AKT3: variants seen among roughly 807,000 people sequenced by gnomAD.
The protein encoded by AKT3 is RAC-gamma serine/threonine-protein kinase.
AKT3 carries 15 observed loss-of-function variants against 65.3 expected under a neutral mutation model. The observed-to-expected ratio is 0.23, with a 90% CI of 0.15 to 0.35. The LOEUF (loss-of-function observed/expected upper bound fraction) is 0.35. Among genes scored for constraint, AKT3 ranks in the 10% least tolerant of loss-of-function variants. The pLI is 1.00. For synonymous variants in AKT3, 206 were observed against 183.8 expected (o/e 1.12, Z -0.98); for missense variants, 243 against 576.5 (o/e 0.42, Z 5.92).
chr1:243,776,467 CA>C (rs1690555033), intron 2 of AKT3, among the ~76,000 whole-genome samples: 1 of 151,992 alleles, frequency 6.6e-6, no homozygotes, highest in African/African-American at 2.4e-5. Flanking sequence ...AGAAGAGACC[CA>C]AAAGAGCTTG....
intron 12 of AKT3, among the ~76,000 whole-genome samples, chr1:243,520,877 A>G (rs538586820): frequency 2.8e-4 from 43 of 152,292 alleles, no homozygotes; most frequent in African/African-American, 9.4e-4. Context: ...CTATGAAATC[A>G]CTCTACCATT....
At chr1:243,753,332 AGAAAGTTCCTAC>A (rs1688925927) in intron 2 of AKT3, among the ~76,000 whole-genome samples, 1 of 152,256 alleles carries the variant, frequency 6.6e-6, no homozygotes, top group South Asian at 2.1e-4. Context: ...ATTTGGATGC[AGAAAGTTCCTAC>A]GTAAGCAGAT....
chr1:243,840,904 TAA>T (rs1695200117), intron 2 of AKT3, among the ~76,000 whole-genome samples: 1 of 152,086 alleles, frequency 6.6e-6, no homozygotes, highest in Admixed American at 6.5e-5. Flanking sequence ...TACTGAAGGT[TAA>T]AGTTTAGTAT....
chr1:243,544,680 A>G (rs920325109), intron 12 of AKT3, among the ~76,000 whole-genome samples: 2 of 147,160 alleles, frequency 1.4e-5, no homozygotes, highest in Non-Finnish European at 3.0e-5. Flanking sequence ...AAACATATGT[A>G]ATTAGTAGTG....
At chr1:243,828,144 A>G (rs778846802) in intron 2 of AKT3, among the ~76,000 whole-genome samples, 6 of 152,194 alleles carry the variant, frequency 3.9e-5, no homozygotes, top group Non-Finnish European at 8.8e-5. Flanking sequence ...ACAATGGGTG[A>G]GTTAAATACT....
At chr1:243,750,950 A>C (rs973756650) in intron 2 of AKT3, among the ~76,000 whole-genome samples, 9 of 152,200 alleles carry the variant, frequency 5.9e-5, no homozygotes, top group African/African-American at 2.4e-5. Flanking sequence ...AAAAAAACTG[A>C]CTTTTGTTTT....
intron 2 of AKT3, among the ~76,000 whole-genome samples, chr1:243,776,370 T>C (rs1250808062): frequency 6.6e-6 from 1 of 152,178 alleles, no homozygotes; most frequent in Non-Finnish European, 1.5e-5. Flanking sequence ...AGTGTGATAT[T>C]TGAAATGAGG....
Position 243,572,933 on chromosome 1 carries a change from T to C in AKT3, c.812A>G (p.Asp271Gly). ...CTTTTTTTTTTTTTTTACCTTGAGATCACGGTACACAATCTTTCCGGAATG... is the reference window on the plus strand; with the variant it reads ...CTTTTTTTTTTTTTTTACCTTGAGACCACGGTACACAATCTTTCCGGAATG... ...YLHSGKIVYR[D>G]LKLENLMLDK... The change falls in exon 9 of 14, where the codon GAT becomes GGT. Residue 271 changes from aspartate (D) to glycine (G), a missense_variant. This residue lies in a region of AKT3 where 61 missense variants were observed against 163.3 expected (regional missense o/e 0.37). Transcript: ENST00000673466. 1 of 1,604,888 alleles carries C rather than the reference T, an allele frequency of 6.2e-7. No homozygotes were observed. Among genetic ancestry groups the C allele is most frequent in the Non-Finnish European group, 8.5e-7 (1 of 1,176,474 alleles).
intron 3 of AKT3, among the ~76,000 whole-genome samples, chr1:243,690,381 T>C (rs1334443931): frequency 6.6e-6 from 1 of 152,182 alleles, no homozygotes; most frequent in African/African-American, 2.4e-5. Context: ...AATGCAGCCC[T>C]GAGACAATGT....
intron 2 of AKT3, among the ~76,000 whole-genome samples, chr1:243,835,460 T>G (rs1306369037): frequency 1.3e-5 from 2 of 152,220 alleles, no homozygotes; most frequent in Non-Finnish European, 2.9e-5. Context: ...AACCTGTACA[T>G]GTATTCTGTA....
chr1:243,573,952 A>C (rs1319519831), intron 8 of AKT3, among the ~76,000 whole-genome samples: 2 of 152,168 alleles, frequency 1.3e-5, no homozygotes, highest in South Asian at 2.1e-4. Context: ...ATTGACTATT[A>C]ATCTTTGTTG....
At chr1:243,578,982 C>G (rs1675141461) in intron 8 of AKT3, among the ~76,000 whole-genome samples, 2 of 152,128 alleles carry the variant, frequency 1.3e-5, no homozygotes, top group Admixed American at 6.5e-5. Flanking sequence ...TTGGAAATAT[C>G]AGAAGTTATA....
intron 10 of AKT3, among the ~76,000 whole-genome samples, chr1:243,558,816 A>T (rs772319380): frequency 4.6e-5 from 7 of 152,100 alleles, no homozygotes; most frequent in African/African-American, 9.7e-5. Context: ...AATAACTAAC[A>T]TTCAGATGAT....
At chr1:243,650,069 G>A (rs1200478667) in intron 4 of AKT3, among the ~76,000 whole-genome samples, 1 of 152,146 alleles carries the variant, frequency 6.6e-6, no homozygotes, top group Non-Finnish European at 1.5e-5. Flanking sequence ...ATCCTCTCCA[G>A]CATCTGTTGT....
intron 3 of AKT3, among the ~76,000 whole-genome samples, chr1:243,666,378 A>G (rs1558699013): frequency 1.3e-5 from 2 of 152,208 alleles, no homozygotes; most frequent in South Asian, 2.1e-4. Context: ...GTTTTCTAAC[A>G]GTTTACATGT....
In AKT3 at chr1:243,579,431, T is replaced by TA. The variant is rs1007734990; in HGVS notation, c.697-6384dup. ...CATTCAGATGGAATACTAAGAGATA[T>TA]AAAAAAAGGAAGCAAGACTACAAGA... On this transcript the variant is annotated intron_variant, in intron 8 of 13. Transcript: ENST00000673466. Among the ~76,000 whole-genome samples the TA allele has an allele frequency of 6.7e-4, 101 of 151,534 alleles. 1 individual carries two copies. Among genetic ancestry groups the TA allele is most frequent in the Non-Finnish European group, 8.8e-5 (6 of 67,862 alleles).
At chr1:243,533,696 A>G (rs1671705595) in intron 12 of AKT3, among the ~76,000 whole-genome samples, 1 of 152,220 alleles carries the variant, frequency 6.6e-6, no homozygotes, top group Non-Finnish European at 1.5e-5. Context: ...CAATGGATAA[A>G]AAACTGTAAG....
chr1:243,572,000 A>G (rs955422876), intron 9 of AKT3, among the ~76,000 whole-genome samples: 1 of 152,228 alleles, frequency 6.6e-6, no homozygotes, highest in African/African-American at 2.4e-5. Flanking sequence ...ATTACGTTAC[A>G]TGAAATAGTA....
At chr1:243,818,504 T>C (rs970465441) in intron 2 of AKT3, among the ~76,000 whole-genome samples, 11 of 152,110 alleles carry the variant, frequency 7.2e-5, no homozygotes, top group African/African-American at 2.7e-4. Context: ...CAAGAACAAT[T>C]TTTTACTCCT....
Sources: gnomAD v4.1 joint callset for allele counts (sites outside exome capture counted in the v4.1 genomes callset) on GRCh38, gnomAD v4.1.1 for gene constraint, gnomAD v4.1.1 regional missense constraint, MANE v1.5 for transcripts, NCBI Gene and HGNC (gene_info 2026-07-23, HGNC 2026-07-21) for gene names.